THSD7B: variants seen among roughly 807,000 people sequenced by gnomAD.
The protein encoded by THSD7B is thrombospondin type-1 domain-containing protein 7B.
Under a neutral mutation model 213.6 loss-of-function variants are expected in THSD7B, and 138 were observed. That is an observed-to-expected ratio of 0.65 (90% confidence interval 0.56 to 0.74). The LOEUF is 0.74. Among genes scored for constraint, THSD7B ranks in the 30% least tolerant of loss-of-function variants. The pLI is 0.00. For synonymous variants in THSD7B, 742 were observed against 687.0 expected (o/e 1.08, Z -1.25); for missense variants, 1,931 against 1,991.5 (o/e 0.97, Z 0.58).
chr2:137,420,201 C>G (rs554965031), intron 14 of THSD7B, among the ~76,000 whole-genome samples: 1 of 152,150 alleles, frequency 6.6e-6, no homozygotes, highest in Non-Finnish European at 1.5e-5. Context: ...TGCCTGAAGC[C>G]TCATATTTCA....
At chr2:136,942,156 T>C (rs889674765) in intron 2 of THSD7B, among the ~76,000 whole-genome samples, 15 of 152,206 alleles carry the variant, frequency 9.9e-5, no homozygotes, top group African/African-American at 3.6e-4. Context: ...CAGATGGCTG[T>C]AGATGTGTGG....
chr2:137,000,673 A>C (rs1685984252), intron 2 of THSD7B, among the ~76,000 whole-genome samples: 1 of 152,168 alleles, frequency 6.6e-6, no homozygotes, highest in Non-Finnish European at 1.5e-5. Context: ...GATTGCATTA[A>C]GGAATGATTA....
chr2:136,821,074 C>G lies in THSD7B; in HGVS notation c.-36+55387C>G, dbSNP rs192870348. On this transcript the variant is annotated intron_variant, in intron 1 of 27. Coordinates refer to ENST00000409968, the MANE Select transcript of THSD7B (RefSeq NM_001316349.2). ...TGGACTTTTTTGTGTATAAAAATGA[C>G]AATCTCATTGAATATTCTTGCAACC... Among the ~76,000 whole-genome samples, 15 of 152,214 alleles carry G rather than the reference C, an allele frequency of 9.9e-5. No homozygotes were observed. In the East Asian group the frequency reaches 2.7e-3, roughly 27 times the overall value.
intron 25 of THSD7B, among the ~76,000 whole-genome samples, chr2:137,660,639 A>G (rs1683324202): frequency 6.6e-6 from 1 of 152,184 alleles, no homozygotes; most frequent in Admixed American, 6.5e-5. Flanking sequence ...CTTTAATTAA[A>G]CAGAAAATAC....
In THSD7B at chr2:137,220,613, G is replaced by A. The variant is rs1681346774; in HGVS notation, c.1724-10431G>A. Among the ~76,000 whole-genome samples the A allele has an allele frequency of 2.6e-5, 4 of 152,194 alleles. No individual in the cohort carries two copies. The South Asian group carries it at 8.3e-4, about 32-fold the overall frequency. On this transcript the variant is annotated intron_variant, in intron 7 of 27. Transcript: ENST00000409968. Reference sequence around the variant, plus strand: ...ATTGCTCATGGGAAGGCAAAAGAGTGCAGACACTTTGGAGAACAGTTTGGC... The same window carrying A: ...ATTGCTCATGGGAAGGCAAAAGAGTACAGACACTTTGGAGAACAGTTTGGC...
chr2:137,368,227 A>G (rs1418686086), intron 12 of THSD7B, among the ~76,000 whole-genome samples: 4 of 152,114 alleles, frequency 2.6e-5, no homozygotes, highest in Admixed American at 1.3e-4. Flanking sequence ...TATATGAAAG[A>G]AAAATCATTG....
intron 13 of THSD7B, among the ~76,000 whole-genome samples, chr2:137,410,756 A>T (rs146248101): frequency 6.6e-6 from 1 of 152,206 alleles, no homozygotes; most frequent in Non-Finnish European, 1.5e-5. Flanking sequence ...AACTGCCTAT[A>T]TATTTTATAA....
intron 1 of THSD7B, among the ~76,000 whole-genome samples, chr2:136,851,768 A>G (rs1683102305): frequency 6.6e-6 from 1 of 152,118 alleles, no homozygotes; most frequent in South Asian, 2.1e-4. Context: ...CTTTTTCTAC[A>G]GGACAAAGTA....
At chr2:137,284,366 A>G (rs969872701) in intron 12 of THSD7B, among the ~76,000 whole-genome samples, 1 of 151,932 alleles carries the variant, frequency 6.6e-6, no homozygotes, top group Non-Finnish European at 1.5e-5. Flanking sequence ...GGATTCATTG[A>G]TTTTTTGAAG....
chr2:137,369,432 T>C (rs1685495590), intron 12 of THSD7B, among the ~76,000 whole-genome samples: 1 of 152,176 alleles, frequency 6.6e-6, no homozygotes, highest in Admixed American at 6.6e-5. Context: ...GAATTTGCAC[T>C]GGACTGTTTC....
At chr2:137,612,078 A>T (rs190941662) in intron 17 of THSD7B, among the ~76,000 whole-genome samples, 1 of 152,336 alleles carries the variant, frequency 6.6e-6, no homozygotes, top group East Asian at 1.9e-4. Context: ...TTTCACATTC[A>T]TGTGTCTTAA....
intron 5 of THSD7B, among the ~76,000 whole-genome samples, chr2:137,159,925 T>C (rs937651547): frequency 1.3e-5 from 2 of 152,150 alleles, no homozygotes; most frequent in Admixed American, 1.3e-4. Flanking sequence ...CTCTAGATAA[T>C]TTGTATCTAT....
At chr2:137,336,308 T>C (rs1213477950) in intron 12 of THSD7B, among the ~76,000 whole-genome samples, 2 of 152,194 alleles carry the variant, frequency 1.3e-5, no homozygotes, top group Non-Finnish European at 2.9e-5. Flanking sequence ...CTCCACAACC[T>C]ATTATCTTCT....
At chr2:137,089,068 C>T (rs908816205) in intron 3 of THSD7B, among the ~76,000 whole-genome samples, 1 of 151,954 alleles carries the variant, frequency 6.6e-6, no homozygotes, top group African/African-American at 2.4e-5. Flanking sequence ...TGTGGAGATT[C>T]CTTAAAGAAC....
At chr2:136,815,865 C>T (rs774497522) in intron 1 of THSD7B, among the ~76,000 whole-genome samples, 16 of 151,950 alleles carry the variant, frequency 1.1e-4, no homozygotes, top group Non-Finnish European at 2.1e-4. Context: ...GAGCATCAGG[C>T]GAGGGATGTC....
intron 2 of THSD7B, among the ~76,000 whole-genome samples, chr2:137,017,202 C>T (rs868122499): frequency 5.3e-5 from 8 of 151,558 alleles, no homozygotes; most frequent in South Asian, 2.1e-4. Flanking sequence ...AGTATGTATC[C>T]GCTATTCTTA....
chr2:137,196,714 T>C (rs144578378), intron 7 of THSD7B, among the ~76,000 whole-genome samples: 12 of 152,286 alleles, frequency 7.9e-5, no homozygotes, highest in Admixed American at 7.2e-4. Context: ...AAAAATATTG[T>C]ATACAATTAT....
intron 15 of THSD7B, among the ~76,000 whole-genome samples, chr2:137,461,474 A>G (rs1687883705): frequency 6.6e-6 from 1 of 152,112 alleles, no homozygotes; most frequent in Non-Finnish European, 1.5e-5. Context: ...TGAGTCATAT[A>G]TCTTGTCCCA....
intron 20 of THSD7B, among the ~76,000 whole-genome samples, chr2:137,633,622 A>G (rs370510622): frequency 3.5e-4 from 54 of 152,242 alleles, no homozygotes; most frequent in African/African-American, 1.2e-3. Context: ...AAATTCTCTG[A>G]GCCTCAGTTT....
Sources: allele counts gnomAD v4.1 joint callset (sites outside exome capture counted in the v4.1 genomes callset), GRCh38; gene constraint gnomAD v4.1.1; transcripts MANE v1.5; gene names NCBI Gene and HGNC (gene_info 2026-07-23, HGNC 2026-07-21).